The following OTUD4 variants were observed in gnomAD, a reference collection of about 807,000 sequenced individuals.
OTUD4 encodes the protein OTU domain-containing protein 4.
In OTUD4, 24 loss-of-function variants were observed where a neutral mutation model predicts 130.4. That is an observed-to-expected ratio of 0.18 (90% CI 0.13 to 0.26). The LOEUF (loss-of-function observed/expected upper bound fraction) is 0.26, where lower values mean the gene tolerates loss of function less well. OTUD4 is among the 10% of genes least tolerant of loss of function. The pLI, the probability that OTUD4 is intolerant of heterozygous loss-of-function variation, is 1.00. For synonymous variants in OTUD4, 420 were observed against 472.5 expected, an observed-to-expected ratio of 0.89 and a Z score of 1.44; for missense variants, 1,031 against 1,329.4, an observed-to-expected ratio of 0.78 and a Z score of 3.49.
chr4:145,162,369 C>T (rs1253393535), intron 6 of OTUD4, among the ~76,000 whole-genome samples: 2 of 151,990 alleles, frequency 1.3e-5, no homozygotes, highest in East Asian at 1.9e-4. Context: ...CTGGCTAACA[C>T]GGTGAAACCT....
chr4:145,162,765 A>G (rs372809128), intron 5 of OTUD4, 44 bp from the exon 6 acceptor site: 8 of 983,210 alleles, frequency 8.1e-6, no homozygotes, highest in South Asian at 3.0e-5. Context: ...CCTCATACAT[A>G]TAACATTTAC....
chr4:145,177,675 A>T (rs1261231066), intron 1 of OTUD4, among the ~76,000 whole-genome samples: 2 of 152,200 alleles, frequency 1.3e-5, no homozygotes, highest in Admixed American at 1.3e-4. Flanking sequence ...TGTGGAGCTG[A>T]TTCAGGTCAG....
At chr4:145,175,780 T>G (rs1752391377) in intron 1 of OTUD4, among the ~76,000 whole-genome samples, 1 of 151,776 alleles carries the variant, frequency 6.6e-6, no homozygotes, top group African/African-American at 2.4e-5. Context: ...CCTGACCTCG[T>G]GATCCGCCCA....
chr4:145,174,883 T>C, intron 1 of OTUD4, 139 bp from the exon 2 acceptor site: 1 of 605,384 alleles, frequency 1.7e-6, no homozygotes, highest in Non-Finnish European at 3.0e-6. Context: ...AATTTCGATA[T>C]CTTTACTCAT....
intron 7 of OTUD4, among the ~76,000 whole-genome samples, chr4:145,158,481 C>T (rs1349778770): frequency 2.2e-5 from 3 of 139,138 alleles, no homozygotes; most frequent in African/African-American, 8.0e-5. Context: ...GACTCCGATT[C>T]AAAAACAAAA....
intron 2 of OTUD4, among the ~76,000 whole-genome samples, chr4:145,172,803 G>A (rs1236201696): frequency 1.3e-5 from 2 of 151,800 alleles, no homozygotes; most frequent in African/African-American, 4.8e-5. Flanking sequence ...ACCAATAAAG[G>A]GCTACTGTTC....
intron 10 of OTUD4, among the ~76,000 whole-genome samples, chr4:145,153,550 C>T (rs1245537351): frequency 6.6e-6 from 1 of 152,134 alleles, no homozygotes; most frequent in African/African-American, 2.4e-5. Context: ...CCCATTTTTC[C>T]TATATTAAAA....
chr4:145,179,995 C>T lies in OTUD4; in HGVS notation c.-22G>A. ...CCATGTTGCTGGTCCTGCTGCAGGC[C>T]AGGCGCGGCGAGGGCTAGCCCCACA... On this transcript the variant is annotated 5_prime_UTR_variant, in exon 1 of 21. Coordinates refer to ENST00000447906, the MANE Select transcript of OTUD4 (RefSeq NM_001366057.1). 2 of 1,473,202 alleles carry T rather than the reference C, an allele frequency of 1.4e-6. No homozygotes were observed. The highest frequency in any genetic ancestry group is 1.8e-6 in the Non-Finnish European group (2 of 1,122,858). The allele number at this position is 1,473,202 out of a possible 1,614,324, so 91.3% of individuals were successfully genotyped here. A position where few individuals can be genotyped will look rare whatever the true frequency, so the allele number is the denominator to read the frequency against.
In OTUD4 at chr4:145,169,720, CCT is replaced by C. The variant is rs1265021759; in HGVS notation, c.294+1948_294+1949del. Among the ~76,000 whole-genome samples the C allele has an allele frequency of 5.3e-5, 8 of 152,310 alleles. No individual in the cohort carries two copies. The East Asian group carries it at 1.5e-3, about 29-fold the overall frequency. ...CTCCTGACCTCAAGTGATCCTCCCG[CCT>C]CTGCCTCCTATAGTACCGGGATTAC... On this transcript the variant is annotated intron_variant, in intron 3 of 20. Transcript: ENST00000447906.
In OTUD4 at chr4:145,155,663, A is replaced by G; in HGVS notation, c.714T>C (p.Ser238=). ...CCTTTCTAGACAAAGGCAGGCTAGTAGAGTTCCCATTGTTCTTCAGCTGCT... is the reference window on the plus strand; with the variant it reads ...CCTTTCTAGACAAAGGCAGGCTAGTGGAGTTCCCATTGTTCTTCAGCTGCT... ...GNEQLKNNGN[S]TSLPLSRKVL... The change falls in exon 9 of 21, where the codon TCT becomes TCC. Residue 238 remains serine (S), a synonymous_variant. Coordinates refer to ENST00000447906, the MANE Select transcript of OTUD4 (RefSeq NM_001366057.1). The G allele has an allele frequency of 1.2e-6, 2 of 1,608,612 alleles. No individual in the cohort carries two copies. Among genetic ancestry groups the G allele is most frequent in the East Asian group, 2.2e-5 (1 of 44,784 alleles).
intron 13 of OTUD4, chr4:145,149,487 TTC>T (rs1408193372): frequency 6.6e-6 from 1 of 152,238 alleles, no homozygotes; most frequent in African/African-American, 2.4e-5. Flanking sequence ...GAAGCTATAA[TTC>T]TGTCTTGAAG....
chr4:145,161,829 T>C (rs1388430510), intron 6 of OTUD4, among the ~76,000 whole-genome samples: 2 of 152,226 alleles, frequency 1.3e-5, no homozygotes, highest in African/African-American at 4.8e-5. Flanking sequence ...TGCTCAGTCA[T>C]TTGGATTTTC....
At chr4:145,152,712 G>T (rs1751120998) in intron 10 of OTUD4, 77 bp from the exon 11 acceptor site, 4 of 809,130 alleles carry the variant, frequency 4.9e-6, no homozygotes, top group Non-Finnish European at 6.1e-6. Flanking sequence ...TCAGTTTTTT[G>T]CGGTTCTTTT....
In OTUD4 at chr4:145,158,494, AAAC is replaced by A. The variant is rs1208689092; in HGVS notation, c.629+1006_629+1008del. ...AAGACTCCGATTCAAAAACAAAACA[AAAC>A]AAAACAAAAAAAAACAAAAAAAAAA... On this transcript the variant is annotated intron_variant, in intron 7 of 20. Transcript: ENST00000447906. Among the ~76,000 whole-genome samples the A allele has an allele frequency of 9.2e-5, 14 of 151,848 alleles. No homozygotes were observed. The East Asian group carries it at 2.5e-3, about 27-fold the overall frequency.
chr4:145,165,019 TA>T (rs1751778829), intron 4 of OTUD4, 131 bp downstream of exon 4: 7 of 485,100 alleles, frequency 1.4e-5, no homozygotes, highest in African/African-American at 3.9e-5. Context: ...TTGATGCAAT[TA>T]AAAAAAACTT....
At chr4:145,175,672 G>A (rs1193848780) in intron 1 of OTUD4, among the ~76,000 whole-genome samples, 11 of 151,858 alleles carry the variant, frequency 7.2e-5, no homozygotes, top group Admixed American at 5.2e-4. Context: ...AGCCTCCTGA[G>A]TAGCTGGGAT....
chr4:145,152,884 C>CT lies in OTUD4; in HGVS notation c.874-250dup, dbSNP rs34004833. On this transcript the variant is annotated intron_variant, in intron 10 of 20. Coordinates refer to ENST00000447906, the MANE Select transcript of OTUD4 (RefSeq NM_001366057.1). ...CACAGGTGTGTGACACCACACTCGG[C>CT]TTTTTTTTTTTTTCTTTTTTTTGTA... Among the ~76,000 whole-genome samples the CT allele has an allele frequency of 4.8e-3, 682 of 142,990 alleles. 5 individuals are homozygous for CT. Among genetic ancestry groups the CT allele is most frequent in the African/African-American group, 0.013 (492 of 39,156 alleles). 93.8% of individuals were successfully genotyped at this position (142,990 alleles called of 152,430 possible). A position where few individuals can be genotyped will look rare whatever the true frequency, so the allele number is the denominator to read the frequency against.
intron 6 of OTUD4, among the ~76,000 whole-genome samples, chr4:145,161,007 G>A (rs2126782314): frequency 6.6e-6 from 1 of 152,144 alleles, no homozygotes; most frequent in African/African-American, 2.4e-5. Context: ...CTACTCGGGA[G>A]GCTGAGGCAG....
At chr4:145,151,235 G>A (rs952209502) in intron 11 of OTUD4, among the ~76,000 whole-genome samples, 6 of 152,160 alleles carry the variant, frequency 3.9e-5, no homozygotes, top group Admixed American at 1.3e-4. Context: ...TTCTGTTAGA[G>A]AAACATATAA....
Sources: gnomAD v4.1 joint callset for allele counts (sites outside exome capture counted in the v4.1 genomes callset) on GRCh38, gnomAD v4.1.1 for gene constraint, MANE v1.5 for transcripts, NCBI Gene and HGNC (gene_info 2026-07-23, HGNC 2026-07-21) for gene names.